CAMSAP3: variants seen among roughly 807,000 people sequenced by gnomAD.
The protein encoded by CAMSAP3 is calmodulin regulated spectrin associated protein family member 3, also known as calmodulin-regulated spectrin-associated protein 3.
Under a neutral mutation model 112.5 loss-of-function variants are expected in CAMSAP3, and 34 were observed. The ratio of observed to expected loss-of-function variants is 0.30; its 90% CI spans 0.23 to 0.40. The LOEUF is 0.40. CAMSAP3 is among the 10% of genes least tolerant of loss of function. The pLI, the probability that CAMSAP3 is intolerant of heterozygous loss-of-function variation, is 1.00. For synonymous variants in CAMSAP3, 868 were observed against 799.8 expected (o/e 1.09, Z -1.44); for missense variants, 1,602 against 1,770.3 (o/e 0.90, Z 1.71).
chr19:7,617,682 G>C lies in CAMSAP3; in HGVS notation c.3444+21G>C, dbSNP rs771472823. ...TGGAGGTGAGCCCGCCCACACGTGG[G>C]AGTTGGGGGCTGGTGGGTGGGTGGG... is the stretch of plus-strand genomic sequence containing the variant. On this transcript the variant is annotated intron_variant, in intron 16 of 16. Coordinates refer to ENST00000160298, the MANE Select transcript of CAMSAP3 (RefSeq NM_020902.2). The surrounding 1 kb of genome is among the most constrained non-coding windows in gnomAD (Gnocchi z 7.5). 6.2e-7 allele frequency: 1 copy of C among 1,613,050 alleles called. No homozygotes were observed. The highest frequency in any genetic ancestry group is 1.1e-5 in the South Asian group (1 of 91,070).
Position 7,612,096 on chromosome 19 carries a change from G to C in CAMSAP3, c.1603G>C (p.Gly535Arg), listed in dbSNP as rs764994183. 1.2e-6 allele frequency: 2 copies of C among 1,609,956 alleles called. No homozygotes were observed. The highest frequency in any genetic ancestry group is 1.7e-4 in the Middle Eastern group (1 of 6,048). ...CTCGAAACCATCTCCCTGTCTGGTG[G>C]GGGAGGCATCGAAACCGCCAGCCCC... Reference protein sequence around the residue: ...TPSKPSPCLVGEASKPPAPSE... With the variant: ...TPSKPSPCLVREASKPPAPSE... Residue 535 changes from glycine (G) to arginine (R), a missense_variant, in exon 11 of 17, where the codon GGG (glycine) becomes CGG (arginine). Coordinates refer to ENST00000160298, the MANE Select transcript of CAMSAP3 (RefSeq NM_020902.2).
chr19:7,611,569 C>A lies in CAMSAP3; in HGVS notation c.1176C>A (p.Ala392=). The part of the protein sequence containing the change: ...SMSHMEALGK[A]WNRQLSRPLS... ...CCCATATGGAGGCCCTGGGCAAGGC[C>A]TGGAACCGGCAGCTCAGGTGAGTAG... The change falls in exon 10 of 17, where the codon GCC becomes GCA. Residue 392 remains alanine, a synonymous_variant. Coordinates refer to ENST00000160298, the MANE Select transcript of CAMSAP3 (RefSeq NM_020902.2). This position sits in a 1 kb window ranked among gnomAD's most constrained non-coding sequence, Gnocchi z 6.9. The A allele has an allele frequency of 1.2e-6, 2 of 1,612,512 alleles. No individual in the cohort carries two copies. Among genetic ancestry groups the A allele is most frequent in the Non-Finnish European group, 1.7e-6 (2 of 1,179,772 alleles).
At chr19:7,598,723 G>C (rs2029861873) in intron 1 of CAMSAP3, among the ~76,000 whole-genome samples, 1 of 152,016 alleles carries the variant, frequency 6.6e-6, no homozygotes, top group African/African-American at 2.4e-5. Flanking sequence ...TGAGGCGGAG[G>C]TTGCAGTGAG....
At chr19:7,602,201 A>G (rs1266606048) in intron 1 of CAMSAP3, among the ~76,000 whole-genome samples, 1 of 152,222 alleles carries the variant, frequency 6.6e-6, no homozygotes, top group Non-Finnish European at 1.5e-5. Flanking sequence ...GGAATGTACT[A>G]CTGACGTCTA....
At chr19:7,597,287 A>G (rs951754827) in intron 1 of CAMSAP3, among the ~76,000 whole-genome samples, 1 of 151,928 alleles carries the variant, frequency 6.6e-6, no homozygotes, top group Non-Finnish European at 1.5e-5. Context: ...GCGTCGTTCC[A>G]TGCATGCATT....
chr19:7,615,952 G>A lies in CAMSAP3; in HGVS notation c.3112+233G>A, dbSNP rs1050078546. On this transcript the variant is annotated intron_variant, in intron 13 of 16. Transcript: ENST00000160298. The surrounding 1 kb of genome is among the most constrained non-coding windows in gnomAD (Gnocchi z 6.5). ...CGCCTGTAATCCCAGCACTTTGGGAGGCTGAGGCGGGCGGATCACCTGAGG... is the reference window on the plus strand; with the variant it reads ...CGCCTGTAATCCCAGCACTTTGGGAAGCTGAGGCGGGCGGATCACCTGAGG... Among the ~76,000 whole-genome samples, 5 of 152,106 alleles carry A rather than the reference G, an allele frequency of 3.3e-5. No individual in the cohort carries two copies. The highest frequency in any genetic ancestry group is 1.2e-4 in the African/African-American group (5 of 41,430).
chr19:7,603,331 C>T (rs576125562), intron 1 of CAMSAP3, among the ~76,000 whole-genome samples: 8 of 151,986 alleles, frequency 5.3e-5, no homozygotes, highest in African/African-American at 9.7e-5. Flanking sequence ...TCTCCGGCCT[C>T]GGCTTCCCGA....
chr19:7,611,031 C>G lies in CAMSAP3; in HGVS notation c.1050-64C>G, dbSNP rs747569. ...ACGCAGCTGGGTGATGCTGTTGTCT[C>G]CCCCCGGGGAGAGGCGGAGGAGGAG... On this transcript the variant is annotated intron_variant, in intron 8 of 16. Transcript: ENST00000160298. This position sits in a 1 kb window ranked among gnomAD's most constrained non-coding sequence, Gnocchi z 6.9. 378,836 of 1,598,542 alleles carry G rather than the reference C, an allele frequency of 0.24. 45,592 individuals carry two copies. The highest frequency in any genetic ancestry group is 0.26 in the South Asian group (23,453 of 90,212).
intron 14 of CAMSAP3, among the ~76,000 whole-genome samples, chr19:7,616,947 T>TCTTTTG (rs559480154): frequency 8.9e-6 from 1 of 112,302 alleles, no homozygotes; most frequent in Non-Finnish European, 2.1e-5. Flanking sequence ...TTTTTTTTTT[T>TCTTTTG]TTTTTTTTTT....
Position 7,615,203 on chromosome 19 carries a change from C to G in CAMSAP3, c.2691C>G (p.Asp897Glu). The G allele has an allele frequency of 1.3e-6, 2 of 1,553,976 alleles. No homozygotes were observed. Among genetic ancestry groups the G allele is most frequent in the Non-Finnish European group, 8.7e-7 (1 of 1,149,004 alleles). Residue 897 changes from aspartate (D) to glutamate (E), a missense_variant, in exon 12 of 17, where the codon GAC (aspartate) becomes GAG (glutamate). Physicochemically the swap from Asp to Glu is conservative, Grantham distance 45 (BLOSUM62 2). Around this residue, in one of 6 missense-constraint regions of CAMSAP3, gnomAD observed 1,100 missense variants for 1,135.7 expected, o/e 0.97. Coordinates refer to ENST00000160298, the MANE Select transcript of CAMSAP3 (RefSeq NM_020902.2). The surrounding 1 kb of genome is among the most constrained non-coding windows in gnomAD (Gnocchi z 6.5). ...CCCAGGATGAAGACAAGCCTGAGGA[C>G]GAGATGGCCCAAAAGCGGGCCAGCC... is the stretch of plus-strand genomic sequence containing the variant. ...FFYKDEDKPE[D>E]EMAQKRASLL...
rs2030265046 is a variant in CAMSAP3 at position 7,607,131 on chromosome 19, C to A, written c.621+560C>A. ...GAGGGTGGGACCCCCTGAACCTGTCCCCCTTAGCCGAGGTGGGGAGACCAC... is the reference window on the plus strand; with the variant it reads ...GAGGGTGGGACCCCCTGAACCTGTCACCCTTAGCCGAGGTGGGGAGACCAC... On this transcript the variant is annotated intron_variant, in intron 4 of 16. Transcript: ENST00000160298. The surrounding 1 kb of genome is among the most constrained non-coding windows in gnomAD (Gnocchi z 4.9). 6.6e-6 allele frequency among the ~76,000 whole-genome samples: 1 copy of A among 152,112 alleles called. No individual in the cohort carries two copies.
chr19:7,605,147 G>GGGGTGTGTGTGTGT (rs142949309), intron 1 of CAMSAP3, 79 bp from the exon 2 acceptor site: 5 of 624,572 alleles, frequency 8.0e-6, no homozygotes, highest in African/African-American at 4.3e-5. Context: ...CGGGCCATGT[G>GGGGTGTGTGTGTGT]GTGTGTGTGT....
chr19:7,618,067 G>T lies in CAMSAP3; in HGVS notation c.*10G>T. ...CGGCACCCCCAAATAGCCCCACCCG[G>T]GCGGTCCACGGGCCGGGCCCTGTGT... On this transcript the variant is annotated 3_prime_UTR_variant, in exon 17 of 17. Coordinates refer to ENST00000160298, the MANE Select transcript of CAMSAP3 (RefSeq NM_020902.2). 1 of 1,607,122 alleles carries T rather than the reference G, an allele frequency of 6.2e-7. No individual in the cohort carries two copies.
intron 1 of CAMSAP3, among the ~76,000 whole-genome samples, chr19:7,604,532 T>C (rs1297413489): frequency 1.3e-5 from 2 of 152,014 alleles, no homozygotes; most frequent in Admixed American, 6.5e-5. Flanking sequence ...GCTACCTCCC[T>C]CTCTGTCCCT....
intron 2 of CAMSAP3, 115 bp from the exon 3 acceptor site, chr19:7,606,156 A>AAAACC: frequency 4.4e-6 from 1 of 224,848 alleles, no homozygotes; most frequent in African/African-American, 4.4e-5. Context: ...CTCAAGCCCC[A>AAAACC]CCCCCCCCGT....
At chr19:7,614,176 C>T (rs538938550) in intron 11 of CAMSAP3, among the ~76,000 whole-genome samples, 58 of 134,564 alleles carry the variant, frequency 4.3e-4, no homozygotes, top group Middle Eastern at 4.5e-3. Context: ...AGGAGAATGG[C>T]GTGAACCCAG....
At chr19:7,606,767 C>T (rs759680625) in intron 4 of CAMSAP3, 196 bp downstream of exon 4, 1 of 1,613,862 alleles carries the variant, frequency 6.2e-7, no homozygotes, top group South Asian at 1.1e-5. Flanking sequence ...CTCTGCCTCT[C>T]TGGCCTCAGT....
chr19:7,606,167 C>CCA, intron 2 of CAMSAP3, 104 bp from the exon 3 acceptor site: 1 of 841,168 alleles, frequency 1.2e-6, no homozygotes, highest in Non-Finnish European at 1.8e-6. Flanking sequence ...CCCCCCCCGT[C>CCA]AAGTCCCTCC....
chr19:7,617,003 C>T lies in CAMSAP3; in HGVS notation c.3213-323C>T, dbSNP rs373630520. ...TTGCTGTGTCGCCCAGGCTGGAGTGCAGTGGCGCAATCTTGGCTCACGGCA... is the reference window on the plus strand; with the variant it reads ...TTGCTGTGTCGCCCAGGCTGGAGTGTAGTGGCGCAATCTTGGCTCACGGCA... On this transcript the variant is annotated intron_variant, in intron 14 of 16. Coordinates refer to ENST00000160298, the MANE Select transcript of CAMSAP3 (RefSeq NM_020902.2). The surrounding 1 kb of genome is among the most constrained non-coding windows in gnomAD (Gnocchi z 7.5). Among the ~76,000 whole-genome samples the T allele has an allele frequency of 5.5e-4, 71 of 129,524 alleles. No homozygotes were observed. In the East Asian group the frequency reaches 9.8e-3, roughly 18 times the overall value. The allele number at this position is 129,524 out of a possible 152,430, so 85.0% of individuals were successfully genotyped here.
Sources: gnomAD v4.1 joint callset for allele counts (sites outside exome capture counted in the v4.1 genomes callset) on GRCh38, gnomAD v4.1.1 for gene constraint, gnomAD v4.1.1 regional missense constraint, Gnocchi (gnomAD v3.1) non-coding constraint, MANE v1.5 for transcripts, NCBI Gene and HGNC (gene_info 2026-07-23, HGNC 2026-07-21) for gene names.